FAM135A: variants seen among roughly 807,000 people sequenced by gnomAD.
FAM135A encodes protein FAM135A.
Under a neutral mutation model 146.8 loss-of-function variants are expected in FAM135A, and 79 were observed. That is an observed-to-expected ratio of 0.54 (90% CI 0.45 to 0.65). FAM135A has a LOEUF of 0.65. Among genes scored for constraint, FAM135A ranks in the 30% least tolerant of loss-of-function variants. The probability of loss-of-function intolerance (pLI) is 0.00; values close to 1 mark genes in which losing one functional copy is unlikely to be tolerated. For synonymous variants in FAM135A, 562 were observed against 603.6 expected, an observed-to-expected ratio of 0.93 and a Z score of 1.01; for missense variants, 1,623 against 1,758.2, an observed-to-expected ratio of 0.92 and a Z score of 1.38.
chr6:70,518,501 G>A (rs777487192), intron 12 of FAM135A, among the ~76,000 whole-genome samples: 1 of 152,204 alleles, frequency 6.6e-6, no homozygotes, highest in Non-Finnish European at 1.5e-5. Flanking sequence ...TTTCAATGGA[G>A]ATAAAACAGC....
chr6:70,424,146 G>A (rs1769503077), intron 2 of FAM135A, among the ~76,000 whole-genome samples: 1 of 152,066 alleles, frequency 6.6e-6, no homozygotes, highest in Admixed American at 6.5e-5. Context: ...TTGCTGTCTG[G>A]GTGTTTCTTC....
chr6:70,512,645 T>G (rs1483949369), intron 12 of FAM135A, among the ~76,000 whole-genome samples: 2 of 151,764 alleles, frequency 1.3e-5, no homozygotes, highest in Non-Finnish European at 3.0e-5. Context: ...TTTTGTAAAA[T>G]GTTAAATTAG....
chr6:70,477,064 A>G (rs948896834), intron 7 of FAM135A, 95 bp from the exon 8 acceptor site: 11 of 1,282,038 alleles, frequency 8.6e-6, no homozygotes, highest in Non-Finnish European at 1.1e-5. Flanking sequence ...TTAAAAAGTA[A>G]TTAAGTAAAT....
intron 4 of FAM135A, among the ~76,000 whole-genome samples, chr6:70,450,623 CTG>C (rs1344283813): frequency 7.0e-6 from 1 of 143,068 alleles, no homozygotes; most frequent in Non-Finnish European, 1.5e-5. Context: ...GCATTGGTTG[CTG>C]TGTTTGTTTT....
chr6:70,500,068 T>G lies in FAM135A; in HGVS notation c.874-2568T>G, dbSNP rs541448948. ...AGTTCTCCTGGATAAAATCCTGAAG[T>G]GTGTTTTCCATTTTGGTTCCATTCT... On this transcript the variant is annotated intron_variant, in intron 11 of 21. Transcript: ENST00000418814. Among the ~76,000 whole-genome samples, 3 of 152,298 alleles carry G rather than the reference T, an allele frequency of 2.0e-5. No homozygotes were observed. The East Asian group carries it at 5.8e-4, about 29-fold the overall frequency.
chr6:70,440,044 A>G (rs1344235758), intron 4 of FAM135A, among the ~76,000 whole-genome samples: 1 of 152,234 alleles, frequency 6.6e-6, no homozygotes, highest in Non-Finnish European at 1.5e-5. Context: ...CAGTCATCTC[A>G]TAAGTGTGTT....
rs568737593 is a variant in FAM135A at position 70,528,645 on chromosome 6, G to A, written c.3775+193G>A. ...CCTAAGTGTAATATTAGATTCCTTC[G>A]TAAGTAAATTTTCCATGGAACTGAC... is the stretch of plus-strand genomic sequence containing the variant. On this transcript the variant is annotated intron_variant, in intron 16 of 21. Transcript: ENST00000418814. Among the ~76,000 whole-genome samples the A allele has an allele frequency of 7.9e-5, 12 of 151,604 alleles. No homozygotes were observed. In the East Asian group the frequency reaches 1.9e-3, roughly 24 times the overall value.
Position 70,424,112 on chromosome 6 carries a change from T to A in FAM135A, c.-133-2327T>A, listed in dbSNP as rs1769495329. On this transcript the variant is annotated intron_variant, in intron 2 of 21. Transcript: ENST00000418814. ...TTTCTGGTAAGAATGAATGTCAATATTCATTGCATTAAGATCCCTGTCTTT... is the reference window on the plus strand; with the variant it reads ...TTTCTGGTAAGAATGAATGTCAATAATCATTGCATTAAGATCCCTGTCTTT... Among the ~76,000 whole-genome samples the A allele has an allele frequency of 1.3e-5, 2 of 152,228 alleles. 1 individual carries two copies. The highest frequency in any genetic ancestry group is 4.1e-4 in the South Asian group (2 of 4,832).
At chr6:70,487,083 CAAAAAAAAAA>C (rs34560435) in intron 10 of FAM135A, among the ~76,000 whole-genome samples, 5 of 40,612 alleles carry the variant, frequency 1.2e-4, no homozygotes, top group African/African-American at 2.3e-4. Flanking sequence ...ACTCCCATCT[CAAAAAAAAAA>C]AAAAAAAAAA....
intron 20 of FAM135A, among the ~76,000 whole-genome samples, chr6:70,554,652 G>A (rs527244375): frequency 6.6e-5 from 10 of 152,108 alleles, no homozygotes; most frequent in African/African-American, 9.6e-5. Flanking sequence ...TTTTTGAGAC[G>A]GAGTCTCTTT....
Position 70,525,443 on chromosome 6 carries a change from T to G in FAM135A, c.2359T>G (p.Leu787Val). 1 of 1,613,560 alleles carries G rather than the reference T, an allele frequency of 6.2e-7. No homozygotes were observed. Among genetic ancestry groups the G allele is most frequent in the African/African-American group, 1.3e-5 (1 of 75,026 alleles). The change falls in exon 15 of 22, where the codon TTA becomes GTA. Residue 787 changes from leucine (L) to valine (V), a missense_variant. Physicochemically the swap from Leu to Val is conservative, Grantham distance 32. Around this residue, in one of 7 missense-constraint regions of FAM135A, gnomAD observed 1,061 missense variants for 1,113.8 expected, o/e 0.95. Transcript: ENST00000418814. ...SSFATHPNTD[L>V]VFETVQGQGP... ...TTTTGCGACACATCCAAACACTGATTTAGTCTTTGAAACTGTGCAAGGGCA... is the reference window on the plus strand; with the variant it reads ...TTTTGCGACACATCCAAACACTGATGTAGTCTTTGAAACTGTGCAAGGGCA...
At chr6:70,470,124 A>ATTTG (rs1286119892) in intron 5 of FAM135A, among the ~76,000 whole-genome samples, 1 of 152,222 alleles carries the variant, frequency 6.6e-6, no homozygotes, top group Non-Finnish European at 1.5e-5. Flanking sequence ...TGACCTTTGG[A>ATTTG]TTTGGCAAAG....
At position 70,540,045 on chromosome 6, in the gene FAM135A, A is replaced by G. The variant is rs963154601; in HGVS notation, c.4228+1644A>G. Among the ~76,000 whole-genome samples the G allele has an allele frequency of 2.2e-4, 34 of 152,164 alleles. 1 individual carries two copies. The highest frequency in any genetic ancestry group is 1.9e-3 in the Admixed American group (29 of 15,274). ...TGTTTGTAACATGATTATGTTTGGG[A>G]AAAGATTCTCCTCTTGGGTCTTAAC... On this transcript the variant is annotated intron_variant, in intron 20 of 21. Coordinates refer to ENST00000418814, the MANE Select transcript of FAM135A (RefSeq NM_001162529.3).
At chr6:70,466,763 G>A (rs1780548064) in intron 5 of FAM135A, among the ~76,000 whole-genome samples, 1 of 152,198 alleles carries the variant, frequency 6.6e-6, no homozygotes, top group Admixed American at 6.5e-5. Context: ...ATCATCAGAT[G>A]ATCTAGGCTA....
intron 10 of FAM135A, 146 bp downstream of exon 10, chr6:70,482,300 TACCTTGATA>T (rs1783877958): frequency 1.3e-6 from 1 of 741,660 alleles, no homozygotes; most frequent in Admixed American, 3.8e-5. Flanking sequence ...CATCTTTTTC[TACCTTGATA>T]ATCACTTTTT....
intron 20 of FAM135A, among the ~76,000 whole-genome samples, chr6:70,547,691 A>G (rs926168109): frequency 8.5e-5 from 13 of 152,236 alleles, no homozygotes; most frequent in Admixed American, 7.9e-4. Context: ...CTGAAGTTTT[A>G]GAACAAATGA....
At chr6:70,507,532 CAA>C (rs1232846872) in intron 12 of FAM135A, among the ~76,000 whole-genome samples, 1 of 151,924 alleles carries the variant, frequency 6.6e-6, no homozygotes, top group African/African-American at 2.4e-5. Flanking sequence ...AATTGTGAAG[CAA>C]AGAGTTGGAC....
intron 20 of FAM135A, among the ~76,000 whole-genome samples, chr6:70,551,345 C>T (rs1020716115): frequency 6.6e-6 from 1 of 152,166 alleles, no homozygotes; most frequent in African/African-American, 2.4e-5. Context: ...CATGGTGGCT[C>T]ACGCCTGTAA....
At position 70,516,346 on chromosome 6, in the gene FAM135A, CT is replaced by C. The variant is rs1792207393; in HGVS notation, c.1030-6166del. ...AAATTTGGCCTGTCCTCCTTGGAGT[CT>C]AGTTGCATCTGCCTGTAGAAGGAGC... On this transcript the variant is annotated intron_variant, in intron 12 of 21. Transcript: ENST00000418814. Among the ~76,000 whole-genome samples, 3 of 151,882 alleles carry C rather than the reference CT, an allele frequency of 2.0e-5. No homozygotes were observed. In the South Asian group the frequency reaches 6.2e-4, roughly 32 times the overall value.
Sources: allele counts gnomAD v4.1 joint callset (sites outside exome capture counted in the v4.1 genomes callset), GRCh38; gene constraint gnomAD v4.1.1; regional missense constraint gnomAD v4.1.1; transcripts MANE v1.5; gene names NCBI Gene and HGNC (gene_info 2026-07-23, HGNC 2026-07-21).